Variants in TMEM132D observed in about 807,000 individuals in gnomAD.
TMEM132D encodes the protein mature OL transmembrane protein.
Under a neutral mutation model 62.3 loss-of-function variants are expected in TMEM132D, and 21 were observed. The observed-to-expected ratio is 0.34, with a 90% confidence interval of 0.24 to 0.49. The LOEUF is 0.49. Among genes scored for constraint, TMEM132D ranks in the 20% least tolerant of loss-of-function variants. The pLI is 0.99. For missense variants in TMEM132D, 1,346 were observed against 1,402.8 expected, an observed-to-expected ratio of 0.96 and a Z score of 0.65; for synonymous variants, 621 against 575.6, an observed-to-expected ratio of 1.08 and a Z score of -1.13.
intron 1 of TMEM132D, among the ~76,000 whole-genome samples, chr12:129,817,647 C>A (rs1872388950): frequency 9.4e-6 from 1 of 106,428 alleles, no homozygotes; most frequent in South Asian, 3.1e-4. Context: ...TGGGGTGTGT[C>A]TGTAATATGG....
chr12:129,642,931 T>C (rs1332930134), intron 2 of TMEM132D, among the ~76,000 whole-genome samples: 1 of 148,830 alleles, frequency 6.7e-6, no homozygotes, highest in Non-Finnish European at 1.5e-5. Flanking sequence ...TTTTTTTTTT[T>C]TTTTTTTTTT....
chr12:129,439,714 G>T (rs937823692), intron 3 of TMEM132D, among the ~76,000 whole-genome samples: 2 of 152,216 alleles, frequency 1.3e-5, no homozygotes, highest in Admixed American at 1.3e-4. Flanking sequence ...CTCCCAAAGT[G>T]CTGGGATTAC....
At chr12:129,256,004 G>A (rs557899692) in intron 4 of TMEM132D, among the ~76,000 whole-genome samples, 74 of 152,304 alleles carry the variant, frequency 4.9e-4, no homozygotes, top group African/African-American at 1.7e-3. Context: ...TGAAAGAAAG[G>A]AAGAAGTGCT....
chr12:129,579,045 ATC>A (rs1421559556), intron 2 of TMEM132D, among the ~76,000 whole-genome samples: 2 of 152,252 alleles, frequency 1.3e-5, no homozygotes, highest in Admixed American at 1.3e-4. Flanking sequence ...AAGGCTCACT[ATC>A]CAGAAAAGTA....
At chr12:129,179,701 G>A (rs1179690571) in intron 5 of TMEM132D, among the ~76,000 whole-genome samples, 1 of 152,052 alleles carries the variant, frequency 6.6e-6, no homozygotes, top group Non-Finnish European at 1.5e-5. Flanking sequence ...TTGGATGATG[G>A]TCTGACAGCT....
At position 129,220,347 on chromosome 12, in the gene TMEM132D, C is replaced by T. The variant is rs535638469; in HGVS notation, c.1300-10684G>A. Among the ~76,000 whole-genome samples, 11 of 152,298 alleles carry T rather than the reference C, an allele frequency of 7.2e-5. No homozygotes were observed. In the South Asian group the frequency reaches 8.3e-4, roughly 12 times the overall value. On this transcript the variant is annotated intron_variant, in intron 4 of 8. Coordinates refer to ENST00000422113, the MANE Select transcript of TMEM132D (RefSeq NM_133448.3). ...ATGCCCACACACTTCCTTTTCCCCA[C>T]GTTGGAAACGAAATCTCACACAGGT...
chr12:129,484,644 A>G lies in TMEM132D; in HGVS notation c.1115+46415T>C, dbSNP rs56782035. Among the ~76,000 whole-genome samples, 664 of 152,306 alleles carry G rather than the reference A, an allele frequency of 4.4e-3. 6 individuals are homozygous for G. Among genetic ancestry groups the G allele is most frequent in the African/African-American group, 0.015 (627 of 41,564 alleles). On this transcript the variant is annotated intron_variant, in intron 3 of 8. Coordinates refer to ENST00000422113, the MANE Select transcript of TMEM132D (RefSeq NM_133448.3). The stretch of plus-strand genomic sequence containing the variant: ...TTCCAACACTGAATGTGGAGAAACA[A>G]TGGAATCTTCTTTCTTTCTTCTGTC...
intron 4 of TMEM132D, among the ~76,000 whole-genome samples, chr12:129,227,594 A>AAT (rs201558290): frequency 0.11 from 15,944 of 148,614 alleles, 1,298 homozygotes; most frequent in East Asian, 0.31. Context: ...TTTATTTTTT[A>AAT]ATATATATAT....
intron 3 of TMEM132D, among the ~76,000 whole-genome samples, chr12:129,465,194 G>A (rs1222565402): frequency 6.6e-6 from 1 of 152,104 alleles, no homozygotes; most frequent in Non-Finnish European, 1.5e-5. Context: ...CACGTCCCTT[G>A]TAATTTGGAT....
chr12:129,610,301 CAG>C (rs988750558), intron 2 of TMEM132D, among the ~76,000 whole-genome samples: 12 of 150,124 alleles, frequency 8.0e-5, no homozygotes, highest in Non-Finnish European at 1.5e-4. Context: ...AAAAGAGAGA[CAG>C]AGAGAGAGGG....
chr12:129,875,050 A>ATTTCAATAAG (rs922652277), intron 1 of TMEM132D, among the ~76,000 whole-genome samples: 4 of 152,270 alleles, frequency 2.6e-5, no homozygotes, highest in African/African-American at 9.6e-5. Flanking sequence ...AGCATGTGTA[A>ATTTCAATAAG]TTTCAATAAG....
intron 1 of TMEM132D, among the ~76,000 whole-genome samples, chr12:129,720,898 G>C (rs1234661205): frequency 6.6e-6 from 1 of 152,236 alleles, no homozygotes; most frequent in Non-Finnish European, 1.5e-5. Context: ...AAGGCAGTCT[G>C]CCCAGCTGAA....
At chr12:129,334,602 C>T (rs1869215282) in intron 4 of TMEM132D, among the ~76,000 whole-genome samples, 1 of 152,088 alleles carries the variant, frequency 6.6e-6, no homozygotes, top group African/African-American at 2.4e-5. Flanking sequence ...CTCAGCCCAC[C>T]ACGTTTTGTT....
chr12:129,749,719 C>T (rs1380149665), intron 1 of TMEM132D, among the ~76,000 whole-genome samples: 3 of 152,156 alleles, frequency 2.0e-5, no homozygotes, highest in Non-Finnish European at 1.5e-5. Flanking sequence ...CCCGCCTCGG[C>T]CTCCCAAAGT....
chr12:129,604,349 T>C (rs948032691), intron 2 of TMEM132D, among the ~76,000 whole-genome samples: 1 of 152,140 alleles, frequency 6.6e-6, no homozygotes, highest in African/African-American at 2.4e-5. Context: ...AATATATATA[T>C]TCCATTGTCT....
chr12:129,355,571 C>T (rs1227660274), intron 3 of TMEM132D, among the ~76,000 whole-genome samples: 1 of 152,130 alleles, frequency 6.6e-6, no homozygotes, highest in African/African-American at 2.4e-5. Flanking sequence ...ACGACCCTTT[C>T]CTTGGAGATG....
chr12:129,350,962 C>T (rs990226895), intron 3 of TMEM132D, among the ~76,000 whole-genome samples: 1 of 152,196 alleles, frequency 6.6e-6, no homozygotes, highest in African/African-American at 2.4e-5. Flanking sequence ...TCAGGCAAAG[C>T]TCCTGCATGT....
At chr12:129,520,599 T>C (rs941047480) in intron 3 of TMEM132D, among the ~76,000 whole-genome samples, 2 of 152,138 alleles carry the variant, frequency 1.3e-5, no homozygotes, top group Admixed American at 6.5e-5. Flanking sequence ...TGTGAAAAGA[T>C]TGTTATTGTC....
intron 3 of TMEM132D, among the ~76,000 whole-genome samples, chr12:129,449,948 T>A (rs1332337999): frequency 6.6e-6 from 1 of 151,760 alleles, no homozygotes; most frequent in Non-Finnish European, 1.5e-5. Context: ...CATTGTGGTT[T>A]TGATCTGCAT....
Sources: gnomAD v4.1 joint callset for allele counts (sites outside exome capture counted in the v4.1 genomes callset) on GRCh38, gnomAD v4.1.1 for gene constraint, MANE v1.5 for transcripts, NCBI Gene and HGNC (gene_info 2026-07-23, HGNC 2026-07-21) for gene names.